The following CEP170 variants were observed in gnomAD, a reference collection of about 807,000 sequenced individuals.
The protein encoded by CEP170 is centrosomal protein of 170 kDa.
In CEP170, 21 loss-of-function variants were observed where a neutral mutation model predicts 151.9. The ratio of observed to expected loss-of-function variants is 0.14; its 90% confidence interval spans 0.10 to 0.20. The LOEUF (loss-of-function observed/expected upper bound fraction) is 0.20. CEP170 is among the 10% of genes least tolerant of loss of function. The pLI is 1.00. For missense variants in CEP170, 964 were observed against 1,892.9 expected (o/e 0.51, Z 9.11); for synonymous variants, 356 against 648.8 (o/e 0.55, Z 6.86).
Position 243,203,902 on chromosome 1 carries a change from A to C in CEP170, c.275-3067T>G, listed in dbSNP as rs2061232006. Among the ~76,000 whole-genome samples, 4 of 152,084 alleles carry C rather than the reference A, an allele frequency of 2.6e-5. No individual in the cohort carries two copies. In the South Asian group the frequency reaches 8.3e-4, roughly 32 times the overall value. On this transcript the variant is annotated intron_variant, in intron 4 of 19. Coordinates refer to ENST00000366542, the MANE Select transcript of CEP170 (RefSeq NM_014812.3). ...AAAGTTAACAGCAGGAAACTTTCTA[A>C]GGGGAAAATTTTATCTATCTGCTTA...
chr1:243,215,045 T>C (rs1413905093), intron 3 of CEP170, among the ~76,000 whole-genome samples: 1 of 152,194 alleles, frequency 6.6e-6, no homozygotes, highest in Non-Finnish European at 1.5e-5. Context: ...ATTAATACTT[T>C]TATAATTTCT....
In CEP170 at chr1:243,180,440, T is replaced by C. The variant is rs149941752; in HGVS notation, c.1566+5339A>G. On this transcript the variant is annotated intron_variant, in intron 10 of 19. Transcript: ENST00000366542. ...CAGAGAAACCAAAAGTAAGCTCTCC[T>C]GGTAGAAATTAAAAAGAAAAAATTC... is the stretch of plus-strand genomic sequence containing the variant. Among the ~76,000 whole-genome samples, 857 of 152,286 alleles carry C rather than the reference T, an allele frequency of 5.6e-3. 12 individuals carry two copies. The highest frequency in any genetic ancestry group is 0.019 in the African/African-American group (800 of 41,564).
chr1:243,159,004 G>T (rs1245163256), intron 13 of CEP170, among the ~76,000 whole-genome samples: 1 of 152,050 alleles, frequency 6.6e-6, no homozygotes, highest in Non-Finnish European at 1.5e-5. Context: ...GAGTCGGAGG[G>T]TGCAGTGAGC....
At chr1:243,187,796 G>A (rs929569372) in intron 8 of CEP170, among the ~76,000 whole-genome samples, 2 of 152,150 alleles carry the variant, frequency 1.3e-5, no homozygotes, top group African/African-American at 4.8e-5. Context: ...TAAAAGGAAT[G>A]AGAAGACACA....
chr1:243,226,157 A>C (rs113575341), intron 1 of CEP170, among the ~76,000 whole-genome samples: 45,326 of 132,008 alleles, frequency 0.34, 7,953 homozygotes, highest in South Asian at 0.54. Flanking sequence ...GTACATGTCT[A>C]TCTCTCTATA....
intron 10 of CEP170, among the ~76,000 whole-genome samples, chr1:243,182,800 A>G (rs1259558993): frequency 1.3e-5 from 2 of 152,178 alleles, no homozygotes; most frequent in African/African-American, 4.8e-5. Context: ...TCAGCTGGCA[A>G]TATTTATTGA....
chr1:243,224,213 TA>T (rs2063045294), intron 2 of CEP170, among the ~76,000 whole-genome samples: 1 of 152,172 alleles, frequency 6.6e-6, no homozygotes, highest in African/African-American at 2.4e-5. Context: ...ACTGCTAACT[TA>T]ATCACGTTTC....
In CEP170 at chr1:243,166,038, C is replaced by T. The variant is rs1362750262; in HGVS notation, c.1922G>A (p.Arg641Lys). 2.5e-6 allele frequency: 4 copies of T among 1,612,526 alleles called. No individual in the cohort carries two copies. Among genetic ancestry groups the T allele is most frequent in the South Asian group, 1.1e-5 (1 of 90,904 alleles). ...ATSLASQGER[R>K]RRTLPQLPNE... is the part of the protein sequence containing the mutation. Reference sequence around the variant, plus strand: ...TGGAAGCTGGGGAAGAGTTCGTCTCCTTCTCTCTCCCTGGCTAGCCAAGGA... The same window carrying T: ...TGGAAGCTGGGGAAGAGTTCGTCTCTTTCTCTCTCCCTGGCTAGCCAAGGA... Residue 641 changes from arginine to lysine, a missense_variant, in exon 13 of 20, where the codon AGG (arginine) becomes AAG (lysine). By Grantham distance (26) the Arg-to-Lys change is conservative (BLOSUM62 2). Transcript: ENST00000366542.
intron 13 of CEP170, among the ~76,000 whole-genome samples, chr1:243,160,716 A>C (rs1409800234): frequency 6.6e-6 from 1 of 152,262 alleles, no homozygotes; most frequent in Non-Finnish European, 1.5e-5. Context: ...TTCAGCAATA[A>C]GATCAGCTGG....
chr1:243,170,547 A>G (rs2058759872), intron 11 of CEP170, among the ~76,000 whole-genome samples: 4 of 151,968 alleles, frequency 2.6e-5, no homozygotes, highest in Non-Finnish European at 4.4e-5. Context: ...TAATCCCAGC[A>G]TTTTGGGAGA....
intron 8 of CEP170, among the ~76,000 whole-genome samples, chr1:243,189,298 T>G (rs2060129444): frequency 6.6e-6 from 1 of 152,142 alleles, no homozygotes; most frequent in African/African-American, 2.4e-5. Context: ...GGCTCACGCC[T>G]GTAACCCCAG....
rs1472289796 is a variant in CEP170 at position 243,200,639 on chromosome 1, A to G, written c.375T>C (p.Ser125=). 6.5e-7 allele frequency: 1 copy of G among 1,542,210 alleles called. No individual in the cohort carries two copies. The highest frequency in any genetic ancestry group is 2.4e-5 in the East Asian group (1 of 42,526). The part of the protein sequence containing the change: ...FTIQLQLSQK[S]SESELSKSAS... The stretch of plus-strand genomic sequence containing the variant: ...CAGATTTGGATAATTCTGATTCTGA[A>G]GATTTTTGGGACAACTGAAGCTGAA... Residue 125 remains serine (S), a synonymous_variant, in exon 6 of 20, where the codon TCT becomes TCC. Coordinates refer to ENST00000366542, the MANE Select transcript of CEP170 (RefSeq NM_014812.3).
intron 14 of CEP170, among the ~76,000 whole-genome samples, chr1:243,148,537 A>G (rs1303728651): frequency 4.6e-5 from 7 of 152,176 alleles, no homozygotes; most frequent in Non-Finnish European, 7.4e-5. Flanking sequence ...TCGCGCCACT[A>G]CACTTCAGCC....
chr1:243,209,702 C>T (rs1428281301), intron 4 of CEP170, among the ~76,000 whole-genome samples: 7 of 148,634 alleles, frequency 4.7e-5, no homozygotes, highest in East Asian at 2.0e-4. Flanking sequence ...TTTTTTGAGA[C>T]GGAGTCTGGC....
At chr1:243,228,631 C>G (rs1434089115) in intron 1 of CEP170, among the ~76,000 whole-genome samples, 1 of 152,032 alleles carries the variant, frequency 6.6e-6, no homozygotes, top group South Asian at 2.1e-4. Context: ...GGAACTGAAA[C>G]AAAACCCAAT....
In CEP170 at chr1:243,133,271, T is replaced by C. The variant is rs577689231; in HGVS notation, c.4319+2872A>G. Among the ~76,000 whole-genome samples the C allele has an allele frequency of 6.0e-4, 91 of 152,302 alleles. 1 individual carries two copies. Among genetic ancestry groups the C allele is most frequent in the African/African-American group, 2.1e-3 (88 of 41,570 alleles). ...AACACACTGAACTATAATTAACTGTTTACCTGCCTTCTACACTCAAATGTG... is the reference window on the plus strand; with the variant it reads ...AACACACTGAACTATAATTAACTGTCTACCTGCCTTCTACACTCAAATGTG... On this transcript the variant is annotated intron_variant, in intron 17 of 19. Transcript: ENST00000366542.
At chr1:243,221,145 C>T (rs2062773825) in intron 3 of CEP170, among the ~76,000 whole-genome samples, 1 of 152,196 alleles carries the variant, frequency 6.6e-6, no homozygotes, top group Non-Finnish European at 1.5e-5. Context: ...CTGCCTCAGA[C>T]TACCGAGTAG....
chr1:243,229,610 G>T (rs1294284160), intron 1 of CEP170, among the ~76,000 whole-genome samples: 2 of 152,112 alleles, frequency 1.3e-5, no homozygotes, highest in East Asian at 3.9e-4. Context: ...AAGCAGCCTG[G>T]AGACAGCCTC....
At chr1:243,230,080 G>T (rs187438610) in intron 1 of CEP170, among the ~76,000 whole-genome samples, 5 of 152,246 alleles carry the variant, frequency 3.3e-5, no homozygotes, top group Admixed American at 2.0e-4. Context: ...ACCGGGCATG[G>T]TAGCCCACAT....
Sources: gnomAD v4.1 joint callset for allele counts (sites outside exome capture counted in the v4.1 genomes callset) on GRCh38, gnomAD v4.1.1 for gene constraint, MANE v1.5 for transcripts, NCBI Gene and HGNC (gene_info 2026-07-23, HGNC 2026-07-21) for gene names.